Variants in KSR2 observed in about 807,000 individuals in gnomAD.
KSR2 encodes the protein kinase suppressor of ras 2.
KSR2 carries 25 observed loss-of-function variants against 107.8 expected under a neutral mutation model. The observed-to-expected ratio is 0.23, with a 90% confidence interval of 0.17 to 0.32. The LOEUF is 0.32. KSR2 is among the 10% of genes least tolerant of loss of function. KSR2 has a pLI of 1.00. For synonymous variants in KSR2, 480 were observed against 507.0 expected (o/e 0.95, Z 0.71); for missense variants, 887 against 1,268.9 (o/e 0.70, Z 4.57).
At chr12:117,605,846 G>A (rs970561278) in intron 5 of KSR2, among the ~76,000 whole-genome samples, 2 of 152,132 alleles carry the variant, frequency 1.3e-5, no homozygotes, top group African/African-American at 4.8e-5. Context: ...ATCTGGAAAC[G>A]ATTATCCTCA....
At chr12:117,607,026 T>C (rs1292606754) in intron 5 of KSR2, among the ~76,000 whole-genome samples, 2 of 152,096 alleles carry the variant, frequency 1.3e-5, no homozygotes, top group Non-Finnish European at 2.9e-5. Context: ...GTTCTGTAGG[T>C]GATGGGACCA....
At chr12:117,947,199 A>AAG (rs1896212921) in intron 1 of KSR2, among the ~76,000 whole-genome samples, 1 of 35,788 alleles carries the variant, frequency 2.8e-5, no homozygotes, top group East Asian at 7.0e-4. Context: ...AAGAAAGAAA[A>AAG]GAAAGAAAAG....
chr12:117,467,115 G>T lies in KSR2; in HGVS notation c.*84C>A. 1.7e-6 allele frequency: 1 copy of T among 581,324 alleles called. No homozygotes were observed. The allele number at this position is 581,324 out of a possible 1,614,324, so 36.0% of individuals were successfully genotyped here. Reference sequence around the variant, plus strand: ...GGTACCCTCTGATGCTGAGTCTCTGGCCTCCTGAGCTGGCAGAGGACAGAG... The same window carrying T: ...GGTACCCTCTGATGCTGAGTCTCTGTCCTCCTGAGCTGGCAGAGGACAGAG... On this transcript the variant is annotated 3_prime_UTR_variant, in exon 20 of 20. Transcript: ENST00000339824.
rs561873002 is a variant in KSR2, at chr12:117,931,516, A to G, written c.180+36560T>C. Among the ~76,000 whole-genome samples, 7 of 152,296 alleles carry G rather than the reference A, an allele frequency of 4.6e-5. No individual in the cohort carries two copies. The South Asian group carries it at 1.5e-3, about 32-fold the overall frequency. ...ATCTTGAGTCAAGACTGCCACAGTC[A>G]TGTCCACCAATTCTAGGAACAACCC... On this transcript the variant is annotated intron_variant, in intron 1 of 19. Coordinates refer to ENST00000339824, the MANE Select transcript of KSR2 (RefSeq NM_173598.6).
At chr12:117,742,304 T>C (rs2136787820) in intron 4 of KSR2, among the ~76,000 whole-genome samples, 1 of 152,374 alleles carries the variant, frequency 6.6e-6, no homozygotes. Context: ...AACTGAAATC[T>C]AAATAAGTTT....
intron 5 of KSR2, among the ~76,000 whole-genome samples, chr12:117,665,264 G>C (rs540212711): frequency 7.8e-4 from 119 of 152,264 alleles, no homozygotes; most frequent in African/African-American, 2.7e-3. Context: ...CTTAGGTGGA[G>C]ACCAGGGCGG....
chr12:117,886,731 CAT>C (rs1465047273), intron 1 of KSR2, among the ~76,000 whole-genome samples: 25 of 152,234 alleles, frequency 1.6e-4, no homozygotes, highest in African/African-American at 2.4e-4. Flanking sequence ...ATAATATACA[CAT>C]GTCTATTATA....
At chr12:117,688,475 T>G (rs1885678055) in intron 4 of KSR2, among the ~76,000 whole-genome samples, 1 of 152,260 alleles carries the variant, frequency 6.6e-6, no homozygotes, top group Non-Finnish European at 1.5e-5. Context: ...CCCACAAATC[T>G]GCATTTTATC....
chr12:117,564,741 T>C (rs1565902580), intron 7 of KSR2, among the ~76,000 whole-genome samples: 1 of 152,116 alleles, frequency 6.6e-6, no homozygotes, highest in East Asian at 1.9e-4. Flanking sequence ...AGGTGCCTGG[T>C]GTGTATTATC....
chr12:117,498,044 A>G (rs1873150509), intron 14 of KSR2, among the ~76,000 whole-genome samples: 1 of 152,222 alleles, frequency 6.6e-6, no homozygotes, highest in South Asian at 2.1e-4. Flanking sequence ...TAGGAGAGAC[A>G]TGATTTACAA....
chr12:117,813,261 A>C (rs142640146), intron 3 of KSR2, among the ~76,000 whole-genome samples: 1 of 152,314 alleles, frequency 6.6e-6, no homozygotes, highest in African/African-American at 2.4e-5. Flanking sequence ...AATACAGGCA[A>C]CAAAAGCAAA....
chr12:117,472,983 G>T (rs1432929209), intron 17 of KSR2, among the ~76,000 whole-genome samples: 2 of 152,078 alleles, frequency 1.3e-5, no homozygotes, highest in Non-Finnish European at 2.9e-5. Flanking sequence ...AGATAATCCA[G>T]AACTCACACT....
intron 3 of KSR2, among the ~76,000 whole-genome samples, chr12:117,781,648 A>G (rs1239999357): frequency 6.6e-6 from 1 of 152,154 alleles, no homozygotes; most frequent in Non-Finnish European, 1.5e-5. Flanking sequence ...ATGCTCAGGG[A>G]CCATGTCTTG....
chr12:117,521,726 T>G (rs1378993764), intron 14 of KSR2, among the ~76,000 whole-genome samples: 1 of 152,220 alleles, frequency 6.6e-6, no homozygotes, highest in African/African-American at 2.4e-5. Flanking sequence ...AATTATCTGG[T>G]CTTATGTTCC....
At chr12:117,693,882 C>T (rs1022837833) in intron 4 of KSR2, among the ~76,000 whole-genome samples, 11 of 152,354 alleles carry the variant, frequency 7.2e-5, no homozygotes, top group African/African-American at 2.6e-4. Context: ...AAGACATGCT[C>T]TGACGCCTAT....
chr12:117,888,244 T>C (rs770789759), intron 1 of KSR2, among the ~76,000 whole-genome samples: 13 of 152,218 alleles, frequency 8.5e-5, no homozygotes, highest in Non-Finnish European at 1.5e-4. Flanking sequence ...ACAATGCTTC[T>C]GGGAATATTC....
chr12:117,740,979 C>T (rs1053636724), intron 4 of KSR2, among the ~76,000 whole-genome samples: 12 of 152,042 alleles, frequency 7.9e-5, no homozygotes, highest in Admixed American at 3.3e-4. Flanking sequence ...GAAGAGGAAG[C>T]GGTGAGGAGG....
chr12:117,733,775 C>T (rs1887824492), intron 4 of KSR2, among the ~76,000 whole-genome samples: 1 of 151,976 alleles, frequency 6.6e-6, no homozygotes, highest in Non-Finnish European at 1.5e-5. Flanking sequence ...CAGTCTTTCT[C>T]TTCTAGACTC....
chr12:117,824,178 T>C (rs1420236471), intron 3 of KSR2, among the ~76,000 whole-genome samples: 3 of 149,906 alleles, frequency 2.0e-5, no homozygotes, highest in Admixed American at 6.7e-5. Context: ...ATATTCTTAC[T>C]CCTATGAAAC....
Sources: gnomAD v4.1 joint callset for allele counts (sites outside exome capture counted in the v4.1 genomes callset) on GRCh38, gnomAD v4.1.1 for gene constraint, MANE v1.5 for transcripts, NCBI Gene and HGNC (gene_info 2026-07-23, HGNC 2026-07-21) for gene names.